PTPRD: variants seen among roughly 807,000 people sequenced by gnomAD.
PTPRD encodes receptor-type tyrosine-protein phosphatase delta.
A neutral mutation model predicts 214.5 loss-of-function variants in PTPRD; 34 were observed. The observed-to-expected ratio is 0.16, with a 90% confidence interval of 0.12 to 0.21. PTPRD has a LOEUF of 0.21. Ranked by LOEUF, PTPRD falls within the 10% of genes least tolerant of loss-of-function variation. The probability of loss-of-function intolerance (pLI) is 1.00; values close to 1 mark genes in which losing one functional copy is unlikely to be tolerated. For missense variants in PTPRD, 2,545 were observed against 2,398.7 expected (o/e 1.06, Z -1.27); for synonymous variants, 1,128 against 845.7 (o/e 1.33, Z -5.79).
chr9:10,521,519 C>T (rs918788804), intron 2 of PTPRD, among the ~76,000 whole-genome samples: 2 of 152,146 alleles, frequency 1.3e-5, no homozygotes, highest in African/African-American at 2.4e-5. Flanking sequence ...AGAGGATTGT[C>T]TCCAATTTTG....
At chr9:9,243,051 C>T (rs2099971186) in intron 9 of PTPRD, among the ~76,000 whole-genome samples, 1 of 151,970 alleles carries the variant, frequency 6.6e-6, no homozygotes, top group Non-Finnish European at 1.5e-5. Flanking sequence ...GTTAGTTTTC[C>T]TTTTAACAGT....
At chr9:8,415,565 A>G (rs570514250) in intron 35 of PTPRD, among the ~76,000 whole-genome samples, 1 of 111,000 alleles carries the variant, frequency 9.0e-6, no homozygotes, top group African/African-American at 3.2e-5. Context: ...AAGTAAAACC[A>G]TAGACCTATT....
At chr9:9,631,304 C>A (rs1319359835) in intron 7 of PTPRD, among the ~76,000 whole-genome samples, 1 of 151,342 alleles carries the variant, frequency 6.6e-6, no homozygotes, top group Non-Finnish European at 1.5e-5. Context: ...GTATAAAATT[C>A]TACAAATTGT....
At chr9:8,377,895 A>T (rs1460458469) in intron 37 of PTPRD, among the ~76,000 whole-genome samples, 1 of 152,102 alleles carries the variant, frequency 6.6e-6, no homozygotes, top group Non-Finnish European at 1.5e-5. Context: ...TTTCACAGAG[A>T]TAGCATTTGC....
At chr9:8,477,201 T>C (rs934189653) in intron 30 of PTPRD, among the ~76,000 whole-genome samples, 1 of 152,200 alleles carries the variant, frequency 6.6e-6, no homozygotes, top group African/African-American at 2.4e-5. Context: ...TTTGCCCGTC[T>C]GCCTCAAGCC....
At chr9:9,544,232 A>C (rs1025275166) in intron 8 of PTPRD, among the ~76,000 whole-genome samples, 2 of 151,678 alleles carry the variant, frequency 1.3e-5, no homozygotes, top group African/African-American at 4.8e-5. Flanking sequence ...GTACTATAAG[A>C]ACCAAATGTG....
chr9:10,117,696 C>G (rs2098742321), intron 3 of PTPRD, among the ~76,000 whole-genome samples: 1 of 150,508 alleles, frequency 6.6e-6, no homozygotes, highest in Non-Finnish European at 1.5e-5. Context: ...TGAGAAAAGA[C>G]CCTATTTTCA....
chr9:9,158,749 A>G (rs1430227396), intron 10 of PTPRD, among the ~76,000 whole-genome samples: 1 of 152,234 alleles, frequency 6.6e-6, no homozygotes, highest in Non-Finnish European at 1.5e-5. Context: ...AGAAAAAGAT[A>G]CTACAAAAGA....
rs373435183 is a variant in PTPRD at position 9,231,833 on chromosome 9, C to T, written c.-202-48470G>A. Among the ~76,000 whole-genome samples, 169 of 152,194 alleles carry T rather than the reference C, an allele frequency of 1.1e-3. 3 individuals are homozygous for T. The South Asian group carries it at 0.033, about 30-fold the overall frequency. On this transcript the variant is annotated intron_variant, in intron 9 of 45. Transcript: ENST00000381196. ...TGCCATGTTGGTTTGCTGCACCCGT[C>T]AACTCATCATTTACATTACGTATTT...
chr9:9,148,057 T>C (rs1051856726), intron 10 of PTPRD, among the ~76,000 whole-genome samples: 1 of 152,180 alleles, frequency 6.6e-6, no homozygotes, highest in African/African-American at 2.4e-5. Flanking sequence ...AATACGCATA[T>C]GGAAGCATTA....
At chr9:8,841,308 C>A (rs1219317630) in intron 11 of PTPRD, among the ~76,000 whole-genome samples, 1 of 152,208 alleles carries the variant, frequency 6.6e-6, no homozygotes, top group Non-Finnish European at 1.5e-5. Context: ...TCAAAGTAAA[C>A]CCTCTACTTT....
chr9:8,479,984 A>C (rs1410587236), intron 30 of PTPRD, among the ~76,000 whole-genome samples: 1 of 152,112 alleles, frequency 6.6e-6, no homozygotes, highest in East Asian at 1.9e-4. Context: ...TTGGGCTAAA[A>C]CTTGATATTT....
chr9:9,593,745 C>T (rs147137884), intron 7 of PTPRD, among the ~76,000 whole-genome samples: 1 of 152,138 alleles, frequency 6.6e-6, no homozygotes, highest in Non-Finnish European at 1.5e-5. Flanking sequence ...TGAGGAAATG[C>T]AGTCATTTTT....
At chr9:10,169,978 G>A (rs998114252) in intron 3 of PTPRD, among the ~76,000 whole-genome samples, 2 of 152,044 alleles carry the variant, frequency 1.3e-5, no homozygotes, top group African/African-American at 4.8e-5. Context: ...AAATGATTAA[G>A]GAAAAATATG....
At chr9:9,260,897 T>C (rs1429866512) in intron 9 of PTPRD, among the ~76,000 whole-genome samples, 2 of 151,886 alleles carry the variant, frequency 1.3e-5, no homozygotes, top group African/African-American at 4.8e-5. Context: ...TGCTCCATCC[T>C]GCAATCAACA....
At chr9:10,004,212 T>A (rs1298701960) in intron 4 of PTPRD, among the ~76,000 whole-genome samples, 1 of 151,828 alleles carries the variant, frequency 6.6e-6, no homozygotes. Context: ...AGGTTGTATA[T>A]ATTGGGTGTT....
chr9:9,034,280 T>C (rs2099614760), intron 10 of PTPRD, among the ~76,000 whole-genome samples: 1 of 152,106 alleles, frequency 6.6e-6, no homozygotes, highest in African/African-American at 2.4e-5. Flanking sequence ...TGTCTCCAGG[T>C]TGGGATTTTC....
chr9:10,598,711 G>GGTGTGTGGTGT (rs1555603024), intron 2 of PTPRD, among the ~76,000 whole-genome samples: 29 of 137,180 alleles, frequency 2.1e-4, no homozygotes, highest in Admixed American at 1.0e-3. Flanking sequence ...TGTGGTGTGT[G>GGTGTGTGGTGT]GTGTGTGTGT....
At chr9:10,353,718 T>C (rs573094773) in intron 2 of PTPRD, among the ~76,000 whole-genome samples, 33 of 151,980 alleles carry the variant, frequency 2.2e-4, no homozygotes, top group African/African-American at 7.2e-4. Flanking sequence ...GAATTTAAAG[T>C]TTTTAACAAC....
Sources: allele counts gnomAD v4.1 joint callset (sites outside exome capture counted in the v4.1 genomes callset), GRCh38; gene constraint gnomAD v4.1.1; transcripts MANE v1.5; gene names NCBI Gene and HGNC (gene_info 2026-07-23, HGNC 2026-07-21).